The following ZNF618 variants were observed in gnomAD, a reference collection of about 807,000 sequenced individuals.
ZNF618 encodes zinc finger protein 618, also known as neural precursor cell expressed, developmentally down-regulated 10.
In ZNF618, 34 loss-of-function variants were observed where a neutral mutation model predicts 103.0. The ratio of observed to expected loss-of-function variants is 0.33; its 90% CI spans 0.25 to 0.44. The LOEUF (loss-of-function observed/expected upper bound fraction) is 0.44, where lower values mean the gene tolerates loss of function less well. Among genes scored for constraint, ZNF618 ranks in the 20% least tolerant of loss-of-function variants. ZNF618 has a pLI of 1.00. For missense variants in ZNF618, 1,059 were observed against 1,295.4 expected (o/e 0.82, Z 2.80); for synonymous variants, 551 against 542.2 (o/e 1.02, Z -0.23).
chr9:114,041,953 A>G (rs1386154867), intron 13 of ZNF618, among the ~76,000 whole-genome samples: 3 of 152,188 alleles, frequency 2.0e-5, no homozygotes, highest in East Asian at 1.9e-4. Flanking sequence ...GATTCTTCCT[A>G]TCCATGAGCA....
intron 11 of ZNF618, among the ~76,000 whole-genome samples, chr9:114,030,194 C>T (rs1318624707): frequency 6.6e-6 from 1 of 152,088 alleles, no homozygotes; most frequent in Non-Finnish European, 1.5e-5. Context: ...TGGGCAAGGG[C>T]GTGATTCTTC....
intron 1 of ZNF618, among the ~76,000 whole-genome samples, chr9:113,902,687 G>A (rs892736443): frequency 2.0e-5 from 3 of 152,178 alleles, no homozygotes; most frequent in African/African-American, 4.8e-5. Context: ...GCTTGGTGCA[G>A]CCACCACATT....
chr9:114,049,554 A>G lies in ZNF618; in HGVS notation c.2252A>G (p.Asn751Ser). The change falls in exon 15 of 15, where the codon AAC becomes AGC. Residue 751 changes from asparagine to serine, a missense_variant. Coordinates refer to ENST00000374126, the MANE Select transcript of ZNF618 (RefSeq NM_001318042.2). The stretch of plus-strand genomic sequence containing the variant: ...AAGCAGGCAGTCATCGAGCTGAGCA[A>G]CGAGAGCCAGCCCACCCTGCAGCTG... ...PVKQAVIELSNESQPTLQLVL... is the reference protein window; with the variant it reads ...PVKQAVIELSSESQPTLQLVL... The G allele has an allele frequency of 2.5e-6, 4 of 1,613,848 alleles. No individual in the cohort carries two copies. The highest frequency in any genetic ancestry group is 1.1e-5 in the South Asian group (1 of 91,082).
chr9:113,964,912 A>G (rs1212139498), intron 1 of ZNF618, among the ~76,000 whole-genome samples: 1 of 152,028 alleles, frequency 6.6e-6, no homozygotes, highest in Non-Finnish European at 1.5e-5. Flanking sequence ...TCCCTCAGGA[A>G]AATTGAGCAA....
chr9:113,975,271 G>GGAATT (rs1838371399), intron 2 of ZNF618, among the ~76,000 whole-genome samples: 2 of 152,078 alleles, frequency 1.3e-5, no homozygotes, highest in Non-Finnish European at 2.9e-5. Context: ...ATGTTCAGAG[G>GGAATT]GAATTGAGGA....
At chr9:113,881,761 C>T (rs973236770) in intron 1 of ZNF618, among the ~76,000 whole-genome samples, 3 of 152,204 alleles carry the variant, frequency 2.0e-5, no homozygotes, top group Non-Finnish European at 4.4e-5. Flanking sequence ...ATCTCACATG[C>T]TCTGAGGCAT....
intron 1 of ZNF618, among the ~76,000 whole-genome samples, chr9:113,954,585 T>G (rs73554495): frequency 1.2e-3 from 183 of 152,300 alleles, no homozygotes; most frequent in African/African-American, 4.1e-3. Context: ...AATGGGGGAC[T>G]GGACTCAGGT....
At chr9:114,016,422 C>A (rs1040052785) in intron 9 of ZNF618, among the ~76,000 whole-genome samples, 1 of 152,160 alleles carries the variant, frequency 6.6e-6, no homozygotes, top group Non-Finnish European at 1.5e-5. Context: ...AAATTTAATC[C>A]TCACAGCAAT....
At chr9:114,014,706 C>G (rs1247895189) in intron 9 of ZNF618, among the ~76,000 whole-genome samples, 1 of 152,154 alleles carries the variant, frequency 6.6e-6, no homozygotes, top group Non-Finnish European at 1.5e-5. Context: ...GCAAGCTTTC[C>G]CACACATCAG....
chr9:114,048,554 A>G, intron 14 of ZNF618, 97 bp from the exon 15 acceptor site: 1 of 1,304,942 alleles, frequency 7.7e-7, no homozygotes. Context: ...TATATTTGCC[A>G]TTCCCAATAC....
intron 2 of ZNF618, among the ~76,000 whole-genome samples, chr9:113,979,164 T>C (rs1468178287): frequency 1.3e-5 from 2 of 152,186 alleles, no homozygotes; most frequent in Non-Finnish European, 2.9e-5. Flanking sequence ...TTTGGAGTTC[T>C]AACAGGGCAG....
At position 113,987,192 on chromosome 9, in the gene ZNF618, G is replaced by T. The variant is rs182913832; in HGVS notation, c.78-1129G>T. 2.2e-3 allele frequency among the ~76,000 whole-genome samples: 329 copies of T among 152,280 alleles called. 1 individual carries two copies. The highest frequency in any genetic ancestry group is 3.9e-3 in the Non-Finnish European group (263 of 68,016). ...TCCCCACCTCACAGACAACAGTCAT[G>T]GGGATGCTTCCCTTGTCAGAAGGAT... On this transcript the variant is annotated intron_variant, in intron 2 of 14. Transcript: ENST00000374126.
rs561885099 is a variant in ZNF618 at position 114,040,021 on chromosome 9, C to T, written c.1246+3644C>T. 1.3e-4 allele frequency among the ~76,000 whole-genome samples: 20 copies of T among 151,050 alleles called. No individual in the cohort carries two copies. The South Asian group carries it at 4.2e-3, about 31-fold the overall frequency. Reference sequence around the variant, plus strand: ...GCTATAAATCAAGCCTTTCACAGAGCTTTTAACTCATTTGTATTGGGAGTG... The same window carrying T: ...GCTATAAATCAAGCCTTTCACAGAGTTTTTAACTCATTTGTATTGGGAGTG... On this transcript the variant is annotated intron_variant, in intron 13 of 14. Coordinates refer to ENST00000374126, the MANE Select transcript of ZNF618 (RefSeq NM_001318042.2).
chr9:113,962,458 C>T (rs1227216310), intron 1 of ZNF618, among the ~76,000 whole-genome samples: 2 of 152,212 alleles, frequency 1.3e-5, no homozygotes, highest in Non-Finnish European at 2.9e-5. Flanking sequence ...GTCACTTTGC[C>T]AAAACCTTCT....
intron 13 of ZNF618, among the ~76,000 whole-genome samples, chr9:114,038,097 A>G (rs758345234): frequency 6.6e-6 from 1 of 152,194 alleles, no homozygotes; most frequent in African/African-American, 2.4e-5. Context: ...GGGAAGCAGG[A>G]TCCTCGGGCT....
At chr9:114,036,409 C>G (rs752714328) in intron 13 of ZNF618, 32 bp downstream of exon 13, 13 of 1,553,070 alleles carry the variant, frequency 8.4e-6, no homozygotes, top group Admixed American at 3.9e-5. Flanking sequence ...TCCCCCTCTC[C>G]TTCCTCAGTT....
intron 2 of ZNF618, among the ~76,000 whole-genome samples, chr9:113,985,083 A>T (rs1476950476): frequency 2.6e-5 from 4 of 152,244 alleles, no homozygotes; most frequent in African/African-American, 4.8e-5. Context: ...CTGGGAGCTT[A>T]CTGTTCTAGG....
chr9:113,974,796 A>C (rs1838332554), intron 2 of ZNF618, among the ~76,000 whole-genome samples: 1 of 152,086 alleles, frequency 6.6e-6, no homozygotes, highest in East Asian at 1.9e-4. Flanking sequence ...AGCCCTGCTA[A>C]GGGCCAAGCA....
Position 114,008,534 on chromosome 9 carries a change from C to A in ZNF618, c.734C>A (p.Pro245Gln), listed in dbSNP as rs1841963875. Residue 245 changes from proline to glutamine, a missense_variant, in exon 9 of 15, where the codon CCA becomes CAA. Pro to Gln is a moderately conservative substitution (Grantham distance 76). Coordinates refer to ENST00000374126, the MANE Select transcript of ZNF618 (RefSeq NM_001318042.2). ...GAGGTGAAGGAGGAGCCCCCGGAGC[C>A]ATTCCAGAAAATCGGGCCAAGTATG... Reference protein sequence around the residue: ...TDEVKEEPPEPFQKIGPKTGN... With the variant: ...TDEVKEEPPEQFQKIGPKTGN... 4 of 1,613,970 alleles carry A rather than the reference C, an allele frequency of 2.5e-6. No individual in the cohort carries two copies. The highest frequency in any genetic ancestry group is 3.4e-6 in the Non-Finnish European group (4 of 1,179,870).
Sources: gnomAD v4.1 joint callset for allele counts (sites outside exome capture counted in the v4.1 genomes callset) on GRCh38, gnomAD v4.1.1 for gene constraint, MANE v1.5 for transcripts, NCBI Gene and HGNC (gene_info 2026-07-23, HGNC 2026-07-21) for gene names.